The following PNPLA8 variants were observed in gnomAD, a reference collection of about 807,000 sequenced individuals.
PNPLA8 encodes the protein patatin like domain 8, phospholipase A2, also known as calcium-independent phospholipase A2-gamma.
Under a neutral mutation model 76.9 loss-of-function variants are expected in PNPLA8, and 39 were observed. The observed-to-expected ratio is 0.51, with a 90% CI of 0.39 to 0.66. The LOEUF (loss-of-function observed/expected upper bound fraction) is 0.66. PNPLA8 is among the 30% of genes least tolerant of loss of function. The probability of loss-of-function intolerance (pLI) is 0.00; values close to 1 mark genes in which losing one functional copy is unlikely to be tolerated. For synonymous variants in PNPLA8, 301 were observed against 307.9 expected (o/e 0.98, Z 0.24); for missense variants, 887 against 918.0 (o/e 0.97, Z 0.44).
intron 4 of PNPLA8, among the ~76,000 whole-genome samples, chr7:108,508,806 T>C (rs1447295302): frequency 5.9e-5 from 9 of 151,282 alleles, no homozygotes; most frequent in African/African-American, 2.2e-4. Context: ...CAAAACAGCA[T>C]GGTACTGGTA....
At chr7:108,496,043 G>C (rs1223727174) in intron 7 of PNPLA8, among the ~76,000 whole-genome samples, 4 of 152,108 alleles carry the variant, frequency 2.6e-5, no homozygotes, top group African/African-American at 7.2e-5. Context: ...TTAGGAGCCT[G>C]AGCAACATGG....
intron 8 of PNPLA8, 42 bp from the exon 9 acceptor site, chr7:108,487,995 T>C (rs1193736544): frequency 1.6e-6 from 2 of 1,229,220 alleles, no homozygotes; most frequent in Admixed American, 2.0e-5. Flanking sequence ...TTAACAGTAA[T>C]ATATTTGGGA....
chr7:108,476,478 CA>C (rs1489856981), intron 10 of PNPLA8, among the ~76,000 whole-genome samples: 2 of 152,076 alleles, frequency 1.3e-5, no homozygotes, highest in Non-Finnish European at 2.9e-5. Context: ...ATAAAAAAGA[CA>C]AGAGATAATA....
At position 108,471,945 on chromosome 7, in the gene PNPLA8, T is replaced by C. The variant is rs960933380; in HGVS notation, c.*456A>G. On this transcript the variant is annotated 3_prime_UTR_variant, in exon 11 of 11. Coordinates refer to ENST00000257694, the MANE Select transcript of PNPLA8 (RefSeq NM_001256007.3). ...AAAAGGCAGTGTGGATTGGAGAACA[T>C]AGCTAGTGAGAATATTAGGTAATGT... is the stretch of plus-strand genomic sequence containing the variant. The C allele has an allele frequency of 1.3e-5, 2 of 152,400 alleles. No individual in the cohort carries two copies. Among genetic ancestry groups the C allele is most frequent in the South Asian group, 2.1e-4 (1 of 4,836 alleles). The allele number at this position is 152,400 out of a possible 1,614,324, so 9.4% of individuals were successfully genotyped here. A position where few individuals can be genotyped will look rare whatever the true frequency, so the allele number is the denominator to read the frequency against.
chr7:108,497,716 A>G (rs1298525092), intron 5 of PNPLA8, 139 bp from the exon 6 acceptor site: 11 of 453,768 alleles, frequency 2.4e-5, no homozygotes, highest in Middle Eastern at 5.4e-4. Flanking sequence ...CAAAATCAGT[A>G]AAAATTGCCT....
At chr7:108,525,281 A>G (rs1305607913) in intron 1 of PNPLA8, among the ~76,000 whole-genome samples, 2 of 152,240 alleles carry the variant, frequency 1.3e-5, no homozygotes, top group Non-Finnish European at 2.9e-5. Context: ...AACATTTGTC[A>G]TTTTTGAACT....
chr7:108,480,889 G>C (rs999443944), intron 9 of PNPLA8, among the ~76,000 whole-genome samples: 3 of 152,030 alleles, frequency 2.0e-5, no homozygotes, highest in African/African-American at 7.2e-5. Context: ...GTCTTTGTAG[G>C]CACCCCTCCT....
intron 4 of PNPLA8, among the ~76,000 whole-genome samples, chr7:108,511,968 G>A (rs1424830409): frequency 6.6e-6 from 1 of 152,138 alleles, no homozygotes; most frequent in Non-Finnish European, 1.5e-5. Context: ...TACTTTTCAG[G>A]CCCATGCAAT....
intron 4 of PNPLA8, among the ~76,000 whole-genome samples, chr7:108,503,136 G>T (rs1012511276): frequency 6.6e-6 from 1 of 152,166 alleles, no homozygotes; most frequent in African/African-American, 2.4e-5. Context: ...TAACTGAGGT[G>T]AGAAGGTAAA....
At chr7:108,475,495 T>A (rs1270474646) in intron 10 of PNPLA8, among the ~76,000 whole-genome samples, 1 of 152,172 alleles carries the variant, frequency 6.6e-6, no homozygotes, top group Non-Finnish European at 1.5e-5. Context: ...TTGTATTGAA[T>A]CTACATATCA....
At chr7:108,509,800 G>A (rs1862757117) in intron 4 of PNPLA8, among the ~76,000 whole-genome samples, 1 of 145,804 alleles carries the variant, frequency 6.9e-6, no homozygotes, top group Non-Finnish European at 1.5e-5. Context: ...ATGATAGACT[G>A]GATTAAGAAA....
At chr7:108,507,302 C>T (rs1862515596) in intron 4 of PNPLA8, among the ~76,000 whole-genome samples, 1 of 134,668 alleles carries the variant, frequency 7.4e-6, no homozygotes, top group Non-Finnish European at 1.5e-5. Flanking sequence ...GAGATCACAC[C>T]ACTGCACTCC....
At chr7:108,513,051 A>T (rs981969404) in intron 4 of PNPLA8, among the ~76,000 whole-genome samples, 13 of 152,114 alleles carry the variant, frequency 8.5e-5, no homozygotes, top group African/African-American at 3.1e-4. Context: ...CAGACATCAA[A>T]TTGTTGGTGC....
At chr7:108,496,561 TAA>T (rs1248095734) in intron 7 of PNPLA8, 21 bp downstream of exon 7, 1 of 1,507,792 alleles carries the variant, frequency 6.6e-7, no homozygotes, top group Non-Finnish European at 9.0e-7. Flanking sequence ...TCAGAAGATT[TAA>T]AAAGAGTAAT....
At position 108,515,473 on chromosome 7, in the gene PNPLA8, CA is replaced by C. The variant is rs776103986; in HGVS notation, c.18del (p.Val7Ter). 3 of 1,510,696 alleles carry C rather than the reference CA, an allele frequency of 2.0e-6. No homozygotes were observed. In the South Asian group the frequency reaches 4.0e-5, roughly 20 times the overall value. 93.6% of individuals were successfully genotyped at this position (1,510,696 alleles called of 1,614,324 possible). A position where few individuals can be genotyped will look rare whatever the true frequency, so the allele number is the denominator to read the frequency against. On this transcript the variant is annotated frameshift_variant, in exon 3 of 11. Coordinates refer to ENST00000257694, the MANE Select transcript of PNPLA8 (RefSeq NM_001256007.3). LOFTEE classifies it high-confidence loss of function. Reference protein sequence around the residue: MSINLTVDIYIYLLSN... With the variant: MSINLXVDIYIYLLSN... ...CTAAGGAGGTAAATATATATATCTA[CA>C]GTCAGATTAATAGACATAACTTAAA... is the stretch of plus-strand genomic sequence containing the variant.
At chr7:108,478,560 T>A (rs1325495018) in intron 10 of PNPLA8, among the ~76,000 whole-genome samples, 2 of 152,036 alleles carry the variant, frequency 1.3e-5, no homozygotes, top group African/African-American at 4.8e-5. Context: ...CTGGCTAATT[T>A]TTTGTATTTT....
At chr7:108,504,811 T>C (rs1035216530) in intron 4 of PNPLA8, among the ~76,000 whole-genome samples, 1 of 152,036 alleles carries the variant, frequency 6.6e-6, no homozygotes, top group Non-Finnish European at 1.5e-5. Flanking sequence ...GCATGGTGAC[T>C]CACGCCTGTA....
rs1861737540 is a variant in PNPLA8 at position 108,498,737 on chromosome 7, C to T, written c.1359-1160G>A. On this transcript the variant is annotated intron_variant, in intron 5 of 10. Coordinates refer to ENST00000257694, the MANE Select transcript of PNPLA8 (RefSeq NM_001256007.3). ...AATAGCTTCATGAAGGAATGCGAAA[C>T]GATGAAAAAGCTTAGGAGATATAGA... is the stretch of plus-strand genomic sequence containing the variant. 3.3e-5 allele frequency among the ~76,000 whole-genome samples: 5 copies of T among 151,986 alleles called. 1 individual carries two copies. The South Asian group carries it at 8.3e-4, about 25-fold the overall frequency.
chr7:108,515,948 T>C (rs1265780282), intron 2 of PNPLA8, among the ~76,000 whole-genome samples: 3 of 152,228 alleles, frequency 2.0e-5, no homozygotes, highest in African/African-American at 7.2e-5. Flanking sequence ...CTTTAATTCC[T>C]TGAAGAAAAA....
Sources: allele counts gnomAD v4.1 joint callset (sites outside exome capture counted in the v4.1 genomes callset), GRCh38; gene constraint gnomAD v4.1.1; transcripts MANE v1.5; gene names NCBI Gene and HGNC (gene_info 2026-07-23, HGNC 2026-07-21).